Variants in CBLL1 observed in about 807,000 individuals in gnomAD.
The protein encoded by CBLL1 is Cbl proto-oncogene like 1, also known as E3 ubiquitin-protein ligase Hakai.
CBLL1 carries 4 observed loss-of-function variants against 44.9 expected under a neutral mutation model. The observed-to-expected ratio is 0.09, with a 90% CI of 0.04 to 0.20. The LOEUF (loss-of-function observed/expected upper bound fraction) is 0.20. Among genes scored for constraint, CBLL1 ranks in the 10% least tolerant of loss-of-function variants. The pLI is 1.00. For missense variants in CBLL1, 569 were observed against 636.7 expected (o/e 0.89, Z 1.14); for synonymous variants, 235 against 202.2 (o/e 1.16, Z -1.38).
chr7:107,744,289 C>A, intron 1 of CBLL1, 113 bp downstream of exon 1: 1 of 1,262,928 alleles, frequency 7.9e-7, no homozygotes, highest in Non-Finnish European at 1.1e-6. Flanking sequence ...TAGGGTGTGG[C>A]AGTGAGAAGA....
Position 107,760,228 on chromosome 7 carries a change from G to A in CBLL1, c.*1050G>A, listed in dbSNP as rs1298392659. On this transcript the variant is annotated 3_prime_UTR_variant, in exon 6 of 6. Coordinates refer to ENST00000440859, the MANE Select transcript of CBLL1 (RefSeq NM_024814.4). ...CAACTACAGTTTGAATGCCATGGAG[G>A]AATTTGAATAATATATTAATGAAGG... 4 of 152,316 alleles carry A rather than the reference G, an allele frequency of 2.6e-5. No individual in the cohort carries two copies. The highest frequency in any genetic ancestry group is 2.0e-4 in the Admixed American group (3 of 15,282). The allele number at this position is 152,316 out of a possible 1,614,324, so 9.4% of individuals were successfully genotyped here.
rs1395343235 is a variant in CBLL1, at chr7:107,759,522, T to G, written c.*344T>G. On this transcript the variant is annotated 3_prime_UTR_variant, in exon 6 of 6. Coordinates refer to ENST00000440859, the MANE Select transcript of CBLL1 (RefSeq NM_024814.4). The stretch of plus-strand genomic sequence containing the variant: ...TGTTTTGTTAAACCCAACGTTTAGT[T>G]TTTCTTGTGATACATTTTGTTAACC... The G allele has an allele frequency of 1.1e-5, 2 of 183,694 alleles. No individual in the cohort carries two copies. Among genetic ancestry groups the G allele is most frequent in the African/African-American group, 4.7e-5 (2 of 42,584 alleles). 11.4% of individuals were successfully genotyped at this position (183,694 alleles called of 1,614,324 possible).
intron 2 of CBLL1, among the ~76,000 whole-genome samples, chr7:107,749,906 T>C (rs1793202623): frequency 6.6e-6 from 1 of 151,520 alleles, no homozygotes; most frequent in Non-Finnish European, 1.5e-5. Flanking sequence ...GTTTTTGTTA[T>C]ATGTTATGTA....
rs557020818 is a variant in CBLL1 at position 107,758,348 on chromosome 7, A to G, written c.646A>G (p.Ile216Val). 1.9e-6 allele frequency: 3 copies of G among 1,613,956 alleles called. No individual in the cohort carries two copies. Among genetic ancestry groups the G allele is most frequent in the Admixed American group, 1.7e-5 (1 of 59,996 alleles). ...HPPIAPPPTE[I>V]PERFIMPPDK... ...TCCTATTGCCCCACCACCAACTGAAATCCCTGAGCGTTTTATAATGCCACC... is the reference window on the plus strand; with the variant it reads ...TCCTATTGCCCCACCACCAACTGAAGTCCCTGAGCGTTTTATAATGCCACC... The change falls in exon 6 of 6, where the codon ATC becomes GTC. Residue 216 changes from isoleucine to valine, a missense_variant. Physicochemically the swap from Ile to Val is conservative, Grantham distance 29. Transcript: ENST00000440859. The surrounding 1 kb of genome is among the most constrained non-coding windows in gnomAD (Gnocchi z 4.2).
Position 107,747,004 on chromosome 7 carries a change from G to C in CBLL1, c.14-1876G>C, listed in dbSNP as rs116656542. On this transcript the variant is annotated intron_variant, in intron 1 of 5. Transcript: ENST00000440859. ...GTGAATTTATCTGAAGTGGCCAGTA[G>C]TCCTTAGTCACTTTCTATGTAATAT... Among the ~76,000 whole-genome samples the C allele has an allele frequency of 8.3e-3, 1,259 of 152,304 alleles. 17 individuals are homozygous for C. The highest frequency in any genetic ancestry group is 0.028 in the African/African-American group (1,183 of 41,564).
chr7:107,753,334 AT>A, intron 2 of CBLL1, 76 bp from the exon 3 acceptor site: 1 of 895,600 alleles, frequency 1.1e-6, no homozygotes, highest in Non-Finnish European at 1.7e-6. Context: ...GAAAAGGTCT[AT>A]TTTGCCATGT....
Position 107,749,061 on chromosome 7 carries a change from C to T in CBLL1, c.181+14C>T. Reference sequence around the variant, plus strand: ...CTGGTGATGAAGGTAATTTGTTTAACTAATAGGTCCAACACTCTTTCTGTT... The same window carrying T: ...CTGGTGATGAAGGTAATTTGTTTAATTAATAGGTCCAACACTCTTTCTGTT... On this transcript the variant is annotated intron_variant, in intron 2 of 5. Coordinates refer to ENST00000440859, the MANE Select transcript of CBLL1 (RefSeq NM_024814.4). The T allele has an allele frequency of 3.7e-6, 6 of 1,612,512 alleles. No individual in the cohort carries two copies. Among genetic ancestry groups the T allele is most frequent in the Non-Finnish European group, 5.1e-6 (6 of 1,178,886 alleles).
intron 2 of CBLL1, among the ~76,000 whole-genome samples, chr7:107,751,089 C>T (rs1337356822): frequency 6.6e-6 from 1 of 151,788 alleles, no homozygotes; most frequent in Non-Finnish European, 1.5e-5. Context: ...TTTTTGGCAC[C>T]AGGACTGGTT....
intron 1 of CBLL1, 122 bp downstream of exon 1, chr7:107,744,298 G>A (rs1792887784): frequency 2.5e-6 from 3 of 1,210,574 alleles, no homozygotes; most frequent in Non-Finnish European, 3.3e-6. Flanking sequence ...GCAGTGAGAA[G>A]AAATCTCACA....
At chr7:107,754,117 G>A in intron 4 of CBLL1, 139 bp downstream of exon 4, 2 of 426,136 alleles carry the variant, frequency 4.7e-6, no homozygotes, top group South Asian at 5.7e-5. Context: ...GGGAAGTATT[G>A]GAATACTATG....
intron 4 of CBLL1, among the ~76,000 whole-genome samples, chr7:107,754,929 A>G (rs1793460511): frequency 6.6e-6 from 1 of 152,146 alleles, no homozygotes; most frequent in Non-Finnish European, 1.5e-5. Context: ...GTTTGGGACC[A>G]GCCTGGACAA....
At chr7:107,755,328 C>G (rs990382135) in intron 4 of CBLL1, 90 bp from the exon 5 acceptor site, 2 of 501,494 alleles carry the variant, frequency 4.0e-6, no homozygotes, top group Admixed American at 4.3e-5. Context: ...CAAGTGTCTT[C>G]TAAGCCTTAT....
chr7:107,758,035 C>T lies in CBLL1; in HGVS notation c.441-108C>T. 1 of 978,490 alleles carries T rather than the reference C, an allele frequency of 1.0e-6. No homozygotes were observed. Among genetic ancestry groups the T allele is most frequent in the Non-Finnish European group, 1.5e-6 (1 of 676,614 alleles). 60.6% of individuals were successfully genotyped at this position (978,490 alleles called of 1,614,324 possible). A position where few individuals can be genotyped will look rare whatever the true frequency, so the allele number is the denominator to read the frequency against. ...TGTAACTTCTAATTGTGGACTTTTGCTATGTTTTATGTAACAGTCAAATTT... is the reference window on the plus strand; with the variant it reads ...TGTAACTTCTAATTGTGGACTTTTGTTATGTTTTATGTAACAGTCAAATTT... On this transcript the variant is annotated intron_variant, in intron 5 of 5. Transcript: ENST00000440859. The surrounding 1 kb of genome is among the most constrained non-coding windows in gnomAD (Gnocchi z 4.2).
chr7:107,747,213 G>A (rs191313022), intron 1 of CBLL1, among the ~76,000 whole-genome samples: 47 of 152,276 alleles, frequency 3.1e-4, no homozygotes, highest in Admixed American at 7.2e-4. Context: ...AGAGTGGGAA[G>A]GGCCAGCCAG....
rs1793723130 is a variant in CBLL1, at chr7:107,760,530, C to G, written c.*1352C>G. 2 of 152,104 alleles carry G rather than the reference C, an allele frequency of 1.3e-5. No homozygotes were observed. The highest frequency in any genetic ancestry group is 2.9e-5 in the Non-Finnish European group (2 of 67,930). 9.4% of individuals were successfully genotyped at this position (152,104 alleles called of 1,614,324 possible). ...ATTATAGGGGCTTGTTATAGTTTAGCTAAGATGACCACTTAACAGTTTATA... is the reference window on the plus strand; with the variant it reads ...ATTATAGGGGCTTGTTATAGTTTAGGTAAGATGACCACTTAACAGTTTATA... On this transcript the variant is annotated 3_prime_UTR_variant, in exon 6 of 6. Transcript: ENST00000440859.
At chr7:107,749,752 T>C (rs1302355935) in intron 2 of CBLL1, among the ~76,000 whole-genome samples, 1 of 152,066 alleles carries the variant, frequency 6.6e-6, no homozygotes, top group East Asian at 1.9e-4. Flanking sequence ...TTTACTGCCA[T>C]ACACCAATAC....
At chr7:107,749,260 G>T (rs1379880730) in intron 2 of CBLL1, 2 of 375,064 alleles carry the variant, frequency 5.3e-6, no homozygotes, top group Non-Finnish European at 9.5e-6. Context: ...AAGCAATACT[G>T]CCCATTGTTC....
At chr7:107,753,853 G>T in intron 3 of CBLL1, 42 bp from the exon 4 acceptor site, 1 of 1,259,210 alleles carries the variant, frequency 7.9e-7, no homozygotes, top group South Asian at 1.4e-5. Flanking sequence ...ACAATCTTTA[G>T]AATTGTGTAA....
Position 107,744,169 on chromosome 7 carries a change from T to C in CBLL1, c.6T>C (p.Asp2=). 1.3e-6 allele frequency: 2 copies of C among 1,555,392 alleles called. No homozygotes were observed. The highest frequency in any genetic ancestry group is 2.0e-5 in the Admixed American group (1 of 51,140). Reference sequence around the variant, plus strand: ...TGTGCTCTGCGAGCCGAATCATGGATCACACTGGTAAGGAGGCGGAGGCAG... The same window carrying C: ...TGTGCTCTGCGAGCCGAATCATGGACCACACTGGTAAGGAGGCGGAGGCAG... M[D]HTDNELQGTN... Residue 2 remains aspartate (D), a synonymous_variant, in exon 1 of 6, where the codon GAT becomes GAC. Transcript: ENST00000440859.
Sources: gnomAD v4.1 joint callset for allele counts (sites outside exome capture counted in the v4.1 genomes callset) on GRCh38, gnomAD v4.1.1 for gene constraint, Gnocchi (gnomAD v3.1) non-coding constraint, MANE v1.5 for transcripts, NCBI Gene and HGNC (gene_info 2026-07-23, HGNC 2026-07-21) for gene names.